CEP20: variants seen among roughly 807,000 people sequenced by gnomAD.
The protein encoded by CEP20 is FGFR1OP N-terminal like.
In CEP20, 18 loss-of-function variants were observed where a neutral mutation model predicts 20.0. The ratio of observed to expected loss-of-function variants is 0.90; its 90% confidence interval spans 0.62 to 1.34. The LOEUF (loss-of-function observed/expected upper bound fraction) is 1.34, where lower values mean the gene tolerates loss of function less well. Among genes scored for constraint, CEP20 ranks in the 40% most tolerant of loss-of-function variants. The pLI, the probability that CEP20 is intolerant of heterozygous loss-of-function variation, is 0.00. For synonymous variants in CEP20, 77 were observed against 73.7 expected (o/e 1.04, Z -0.23); for missense variants, 215 against 201.6 (o/e 1.07, Z -0.40).
At chr16:15,870,060 G>A (rs1167379292) in intron 4 of CEP20, among the ~76,000 whole-genome samples, 2 of 152,038 alleles carry the variant, frequency 1.3e-5, no homozygotes, top group Non-Finnish European at 2.9e-5. Context: ...GTGTCTAGGT[G>A]TCTCTTTCCC....
intron 2 of CEP20, 49 bp from the exon 3 acceptor site, chr16:15,879,937 CA>C (rs1381473438): frequency 3.1e-6 from 4 of 1,292,820 alleles, no homozygotes; most frequent in Non-Finnish European, 4.3e-6. Flanking sequence ...AACTAAAAAG[CA>C]AATAAGATTT....
intron 3 of CEP20, among the ~76,000 whole-genome samples, chr16:15,878,257 A>G (rs1484105634): frequency 6.6e-6 from 1 of 152,176 alleles, no homozygotes; most frequent in Non-Finnish European, 1.5e-5. Flanking sequence ...GCAAAGCAGC[A>G]TAAAGTTGCA....
At chr16:15,876,595 A>G (rs57446168) in intron 3 of CEP20, among the ~76,000 whole-genome samples, 10,541 of 152,176 alleles carry the variant, frequency 0.069, 487 homozygotes, top group East Asian at 0.22. Flanking sequence ...CCTCCTAAGT[A>G]GCTAGGACTA....
In CEP20 at chr16:15,867,525, C is replaced by A; in HGVS notation, c.449-9G>T. Reference sequence around the variant, plus strand: ...CTTTCTTAGGTGGTCATCTGAAATGCACAGAAACCAATGTTAATACTTATC... The same window carrying A: ...CTTTCTTAGGTGGTCATCTGAAATGAACAGAAACCAATGTTAATACTTATC... On this transcript the variant is annotated splice_polypyrimidine_tract_variant and intron_variant, in intron 4 of 4. Transcript: ENST00000255759. 1 of 1,589,124 alleles carries A rather than the reference C, an allele frequency of 6.3e-7. No individual in the cohort carries two copies. Among genetic ancestry groups the A allele is most frequent in the Non-Finnish European group, 8.6e-7 (1 of 1,163,600 alleles).
chr16:15,888,264 G>A (rs910693631), intron 1 of CEP20, among the ~76,000 whole-genome samples: 2 of 152,072 alleles, frequency 1.3e-5, no homozygotes, highest in Non-Finnish European at 2.9e-5. Context: ...CCAAGAAGAT[G>A]AGCCAGGGGC....
rs758196692 is a variant in CEP20 at position 15,884,115 on chromosome 16, C to T, written c.119G>A (p.Arg40His). The stretch of plus-strand genomic sequence containing the variant: ...ATGAGACAATGATGGTCGGGGTTCA[C>T]GGTCATCATCTAGGGCATTGAAAAC... ...AEVFNALDDD[R>H]EPRPSLSHEN... Residue 40 changes from arginine (R) to histidine (H), a missense_variant, in exon 2 of 5, where the codon CGT becomes CAT. Arg to His is a conservative substitution (Grantham distance 29). Coordinates refer to ENST00000255759, the MANE Select transcript of CEP20 (RefSeq NM_144600.4). 1.9e-6 allele frequency: 3 copies of T among 1,614,132 alleles called. No individual in the cohort carries two copies. Among genetic ancestry groups the T allele is most frequent in the African/African-American group, 1.3e-5 (1 of 75,052 alleles).
chr16:15,883,880 T>G lies in CEP20; in HGVS notation c.226+128A>C, dbSNP rs947646216. 5 of 686,098 alleles carry G rather than the reference T, an allele frequency of 7.3e-6. No individual in the cohort carries two copies. The East Asian group carries it at 1.4e-4, about 19-fold the overall frequency. The allele number at this position is 686,098 out of a possible 1,614,324, so 42.5% of individuals were successfully genotyped here. A position where few individuals can be genotyped will look rare whatever the true frequency, so the allele number is the denominator to read the frequency against. ...GTTTAAGCTACAGAAAGAACCCATG[T>G]GATTTTTGTGTCCCAGTCACCCAGA... On this transcript the variant is annotated intron_variant, in intron 2 of 4. Coordinates refer to ENST00000255759, the MANE Select transcript of CEP20 (RefSeq NM_144600.4).
intron 2 of CEP20, 102 bp from the exon 3 acceptor site, chr16:15,879,990 T>C: frequency 1.3e-6 from 1 of 773,658 alleles, no homozygotes; most frequent in Non-Finnish European, 2.1e-6. Flanking sequence ...TTTTAGATTT[T>C]GGAAGAATGA....
At position 15,884,180 on chromosome 16, in the gene CEP20, CTT is replaced by C; in HGVS notation, c.52_53del (p.Lys18GlyfsTer13). On this transcript the variant is annotated frameshift_variant, in exon 2 of 5. Coordinates refer to ENST00000255759, the MANE Select transcript of CEP20 (RefSeq NM_144600.4). LOFTEE classifies it high-confidence loss of function. Reference sequence around the variant, plus strand: ...TTGCTTTTAAATGCCCTAATACCCCCTTTTTTTCCAAGGTGTCCTTTAAAACT... The same window carrying C: ...TTGCTTTTAAATGCCCTAATACCCCCTTTTTCCAAGGTGTCCTTTAAAACT... ...KAVLKDTLEK[K>X]GVLGHLKARI... is the part of the protein sequence containing the mutation. 6.2e-7 allele frequency: 1 copy of C among 1,611,260 alleles called. No individual in the cohort carries two copies. Among genetic ancestry groups the C allele is most frequent in the Non-Finnish European group, 8.5e-7 (1 of 1,177,842 alleles).
chr16:15,887,851 T>G (rs935245969), intron 1 of CEP20, among the ~76,000 whole-genome samples: 1 of 151,912 alleles, frequency 6.6e-6, no homozygotes, highest in Non-Finnish European at 1.5e-5. Context: ...CCCAGCACTT[T>G]GAGGGGGCCA....
intron 2 of CEP20, among the ~76,000 whole-genome samples, chr16:15,883,586 G>A (rs1259931799): frequency 1.3e-5 from 2 of 151,990 alleles, no homozygotes; most frequent in Admixed American, 6.6e-5. Context: ...CAGGCTGGTC[G>A]CGAACTCCTG....
intron 4 of CEP20, among the ~76,000 whole-genome samples, chr16:15,870,305 G>T (rs59337849): frequency 0.067 from 10,145 of 152,220 alleles, 458 homozygotes; most frequent in East Asian, 0.22. Context: ...GCTGTGTTAA[G>T]AAGTGTTAAG....
At chr16:15,870,058 G>A (rs530314493) in intron 4 of CEP20, among the ~76,000 whole-genome samples, 5 of 152,160 alleles carry the variant, frequency 3.3e-5, no homozygotes, top group Non-Finnish European at 5.9e-5. Flanking sequence ...GTGTGTCTAG[G>A]TGTCTCTTTC....
intron 2 of CEP20, among the ~76,000 whole-genome samples, chr16:15,881,907 A>C (rs531675655): frequency 5.9e-5 from 9 of 152,004 alleles, no homozygotes; most frequent in Non-Finnish European, 1.2e-4. Context: ...TATCACTAGG[A>C]TGAGTTTGGA....
chr16:15,885,842 A>G (rs2045231439), intron 1 of CEP20: 2 of 152,272 alleles, frequency 1.3e-5, no homozygotes, highest in African/African-American at 2.4e-5. Context: ...TAACTTACTG[A>G]TTAGCCAGAG....
At position 15,879,824 on chromosome 16, in the gene CEP20, T is replaced by G. The variant is rs762140269; in HGVS notation, c.291A>C (p.Glu97Asp). The change falls in exon 3 of 5, where the codon GAA becomes GAC. Residue 97 changes from glutamate to aspartate, a missense_variant. Coordinates refer to ENST00000255759, the MANE Select transcript of CEP20 (RefSeq NM_144600.4). ...CTTACATTGTATTATCCTTTGATTCTTCAAATGCATTTAGTTCATGGATGA... is the reference window on the plus strand; with the variant it reads ...CTTACATTGTATTATCCTTTGATTCGTCAAATGCATTTAGTTCATGGATGA... ...QFLIHELNAF[E>D]ESKDNTIPLL... 3 of 1,578,274 alleles carry G rather than the reference T, an allele frequency of 1.9e-6. No individual in the cohort carries two copies. Among genetic ancestry groups the G allele is most frequent in the African/African-American group, 1.4e-5 (1 of 72,020 alleles).
chr16:15,884,476 T>C (rs1306894067), intron 1 of CEP20, among the ~76,000 whole-genome samples: 1 of 152,038 alleles, frequency 6.6e-6, no homozygotes, highest in East Asian at 1.9e-4. Flanking sequence ...TCAGGGGCTG[T>C]AGTCTAATAC....
At chr16:15,883,767 C>A (rs970257308) in intron 2 of CEP20, among the ~76,000 whole-genome samples, 1 of 152,052 alleles carries the variant, frequency 6.6e-6, no homozygotes, top group East Asian at 1.9e-4. Flanking sequence ...ATTGTTTATT[C>A]TCGGTTACAG....
chr16:15,882,161 T>C lies in CEP20; in HGVS notation c.226+1847A>G, dbSNP rs2045113273. On this transcript the variant is annotated intron_variant, in intron 2 of 4. Coordinates refer to ENST00000255759, the MANE Select transcript of CEP20 (RefSeq NM_144600.4). ...TCACCATGTAACGTGCTTGCTGCAG[T>C]GAGCAAAAGCTCCCTGAGGCCTCCC... is the stretch of plus-strand genomic sequence containing the variant. Among the ~76,000 whole-genome samples, 4 of 152,176 alleles carry C rather than the reference T, an allele frequency of 2.6e-5. No homozygotes were observed. In the South Asian group the frequency reaches 8.3e-4, roughly 32 times the overall value.
Sources: allele counts gnomAD v4.1 joint callset (sites outside exome capture counted in the v4.1 genomes callset), GRCh38; gene constraint gnomAD v4.1.1; transcripts MANE v1.5; gene names NCBI Gene and HGNC (gene_info 2026-07-23, HGNC 2026-07-21).